ABCA12: variants seen among roughly 807,000 people sequenced by gnomAD.
The protein encoded by ABCA12 is ATP binding cassette subfamily A member 12, also known as glucosylceramide transporter ABCA12.
In ABCA12, 156 loss-of-function variants were observed where a neutral mutation model predicts 293.5. That is an observed-to-expected ratio of 0.53 (90% CI 0.47 to 0.61). The LOEUF is 0.61. Among genes scored for constraint, ABCA12 ranks in the 20% least tolerant of loss-of-function variants. The probability of loss-of-function intolerance (pLI) is 0.00; values close to 1 mark genes in which losing one functional copy is unlikely to be tolerated. For missense variants in ABCA12, 2,797 were observed against 3,090.2 expected (o/e 0.91, Z 2.25); for synonymous variants, 1,063 against 1,108.0 (o/e 0.96, Z 0.81).
At chr2:214,946,583 C>G (rs1698589666) in intron 48 of ABCA12, among the ~76,000 whole-genome samples, 1 of 152,122 alleles carries the variant, frequency 6.6e-6, no homozygotes, top group African/African-American at 2.4e-5. Flanking sequence ...ATCACTTTAT[C>G]TGGCAGTTGA....
intron 1 of ABCA12, among the ~76,000 whole-genome samples, chr2:215,112,333 A>ATTTTTTT (rs35532740): frequency 1.6e-5 from 2 of 126,700 alleles, no homozygotes; most frequent in African/African-American, 2.9e-5. Context: ...ATAGTCAATG[A>ATTTTTTT]TTTTTTTTTT....
intron 6 of ABCA12, among the ~76,000 whole-genome samples, chr2:215,046,893 GA>G (rs1304143870): frequency 3.9e-5 from 6 of 151,942 alleles, no homozygotes; most frequent in South Asian, 2.1e-4. Flanking sequence ...TATGCAGTCA[GA>G]AAAAAAGGAA....
chr2:215,120,936 T>C (rs1559205902), intron 1 of ABCA12, among the ~76,000 whole-genome samples: 1 of 152,194 alleles, frequency 6.6e-6, no homozygotes, highest in Non-Finnish European at 1.5e-5. Flanking sequence ...TGTTAAAAAA[T>C]ATGTTCCCCA....
At chr2:214,936,797 GT>G (rs895916545) in intron 51 of ABCA12, among the ~76,000 whole-genome samples, 2 of 152,084 alleles carry the variant, frequency 1.3e-5, no homozygotes, top group African/African-American at 4.8e-5. Flanking sequence ...GAGCTCTGTA[GT>G]TTTTTGGGTT....
At chr2:214,979,257 C>T (rs941029852) in intron 31 of ABCA12, among the ~76,000 whole-genome samples, 1 of 152,048 alleles carries the variant, frequency 6.6e-6, no homozygotes, top group Non-Finnish European at 1.5e-5. Context: ...CCCCCTCCCT[C>T]TCATTTGCTC....
intron 4 of ABCA12, among the ~76,000 whole-genome samples, chr2:215,053,310 C>A (rs778802187): frequency 1.9e-4 from 29 of 152,066 alleles, no homozygotes; most frequent in Admixed American, 2.6e-4. Flanking sequence ...CTTTTGTCAT[C>A]CTCAGAGCAA....
intron 8 of ABCA12, among the ~76,000 whole-genome samples, chr2:215,034,456 G>A (rs1035656103): frequency 1.3e-5 from 2 of 152,150 alleles, no homozygotes; most frequent in Non-Finnish European, 2.9e-5. Context: ...TGTAGCATAT[G>A]GCTTCCCACA....
At chr2:214,979,096 C>G (rs979016580) in intron 31 of ABCA12, 56 bp from the exon 32 acceptor site, 11 of 1,498,710 alleles carry the variant, frequency 7.3e-6, no homozygotes, top group Non-Finnish European at 1.0e-5. Flanking sequence ...TATAGTGCTC[C>G]AGGCCCTAAT....
intron 1 of ABCA12, among the ~76,000 whole-genome samples, chr2:215,135,857 C>T (rs1355466896): frequency 6.6e-6 from 1 of 152,104 alleles, no homozygotes; most frequent in Non-Finnish European, 1.5e-5. Context: ...CCACACGTGT[C>T]TTCAAGTCTT....
At chr2:215,122,494 G>A (rs998077226) in intron 1 of ABCA12, among the ~76,000 whole-genome samples, 1 of 152,140 alleles carries the variant, frequency 6.6e-6, no homozygotes, top group African/African-American at 2.4e-5. Flanking sequence ...CTGAAGCAAA[G>A]TTTTCCTCTT....
chr2:214,954,851 T>A (rs1698894024), intron 43 of ABCA12, among the ~76,000 whole-genome samples: 2 of 152,242 alleles, frequency 1.3e-5, no homozygotes. Flanking sequence ...CACAGTCATA[T>A]AACTAAGTCG....
chr2:215,048,359 A>T (rs1350035326), intron 6 of ABCA12, among the ~76,000 whole-genome samples: 1 of 152,090 alleles, frequency 6.6e-6, no homozygotes, highest in East Asian at 1.9e-4. Context: ...ATAAAGACAT[A>T]TGCACACATA....
In ABCA12 at chr2:215,037,019, C is replaced by G; in HGVS notation, c.919G>C (p.Glu307Gln). The G allele has an allele frequency of 6.2e-7, 1 of 1,613,882 alleles. No homozygotes were observed. The highest frequency in any genetic ancestry group is 8.5e-7 in the Non-Finnish European group (1 of 1,179,860). The change falls in exon 8 of 53, where the codon GAA (glutamate) becomes CAA (glutamine). Residue 307 changes from glutamate (E) to glutamine (Q), a missense_variant. By Grantham distance (29) the Glu-to-Gln change is conservative (BLOSUM62 2). Around this residue, in one of 3 missense-constraint regions of ABCA12, gnomAD observed 656 missense variants for 638.2 expected, o/e 1.03. Transcript: ENST00000272895. Reference protein sequence around the residue: ...QKVYPRFATNEGFRTLQKSVK... With the variant: ...QKVYPRFATNQGFRTLQKSVK... ...GACTTCTGGAGGGTTCTGAAACCTT[C>G]GTTAGTTGCAAAACGTGGATAAACC...
chr2:215,025,246 G>T, intron 11 of ABCA12: 1 of 68,394 alleles, frequency 1.5e-5, no homozygotes, highest in Non-Finnish European at 3.2e-5. Flanking sequence ...GTCATTTCAT[G>T]CCGAGATCTC....
At position 214,975,925 on chromosome 2, in the gene ABCA12, G is replaced by T; in HGVS notation, c.5241C>A (p.Leu1747=). Residue 1747 remains leucine (L), a synonymous_variant, in exon 34 of 53, where the codon CTC becomes CTA. Transcript: ENST00000272895. ...CGATGGGGAGGATAACCTGAGCAATGAGACCTTTCCAGTTCCTGCGGGTGT... is the reference window on the plus strand; with the variant it reads ...CGATGGGGAGGATAACCTGAGCAATTAGACCTTTCCAGTTCCTGCGGGTGT... ...FHHTRRNWKG[L]IAQVILPIVF... 1 of 1,614,140 alleles carries T rather than the reference G, an allele frequency of 6.2e-7. No individual in the cohort carries two copies. The highest frequency in any genetic ancestry group is 8.5e-7 in the Non-Finnish European group (1 of 1,179,994).
At position 215,000,978 on chromosome 2, in the gene ABCA12, C is replaced by G. The variant is rs1241747221; in HGVS notation, c.2906G>C (p.Gly969Ala). The change falls in exon 22 of 53, where the codon GGC (glycine) becomes GCC (alanine). Residue 969 changes from glycine to alanine, a missense_variant. Physicochemically the swap from Gly to Ala is moderately conservative, Grantham distance 60. Coordinates refer to ENST00000272895, the MANE Select transcript of ABCA12 (RefSeq NM_173076.3). ...KLPSNRSWHR[G>A]YDSGNVFLPP... The stretch of plus-strand genomic sequence containing the variant: ...AAGAAAGACATTTCCAGAGTCATAG[C>G]CTCTGTGCCAGCTTCTGTTAGAAGG... 2 of 1,613,890 alleles carry G rather than the reference C, an allele frequency of 1.2e-6. No homozygotes were observed. Among genetic ancestry groups the G allele is most frequent in the Non-Finnish European group, 1.7e-6 (2 of 1,179,942 alleles).
At chr2:215,078,285 C>G (rs1701871750) in intron 2 of ABCA12, among the ~76,000 whole-genome samples, 1 of 152,204 alleles carries the variant, frequency 6.6e-6, no homozygotes, top group Non-Finnish European at 1.5e-5. Context: ...TTCCCCTTGA[C>G]TCCTACAGCT....
In ABCA12 at chr2:214,931,848, A is replaced by G. The variant is rs1436067787; in HGVS notation, c.*786T>C. On this transcript the variant is annotated 3_prime_UTR_variant, in exon 53 of 53. Transcript: ENST00000272895. The stretch of plus-strand genomic sequence containing the variant: ...TTAAAAAATGTTGCCTGCCAGTAGC[A>G]CATGGATTCTCTTTTCAGGGTTTGT... 6.6e-6 allele frequency: 1 copy of G among 152,294 alleles called. No individual in the cohort carries two copies. Among genetic ancestry groups the G allele is most frequent in the Admixed American group, 6.5e-5 (1 of 15,268 alleles). The allele number at this position is 152,294 out of a possible 1,614,324, so 9.4% of individuals were successfully genotyped here. A position where few individuals can be genotyped will look rare whatever the true frequency, so the allele number is the denominator to read the frequency against.
Position 215,000,990 on chromosome 2 carries a change from C to T in ABCA12, c.2894G>A (p.Ser965Asn). The T allele has an allele frequency of 1.2e-6, 2 of 1,614,010 alleles. No individual in the cohort carries two copies. Among genetic ancestry groups the T allele is most frequent in the Non-Finnish European group, 1.7e-6 (2 of 1,179,936 alleles). ...TCCAGAGTCATAGCCTCTGTGCCAG[C>T]TTCTGTTAGAAGGAAGCTTAAAAAT... ...SVIFKLPSNR[S>N]WHRGYDSGNV... Residue 965 changes from serine to asparagine, a missense_variant, in exon 22 of 53, where the codon AGC (serine) becomes AAC (asparagine). This residue lies in a region of ABCA12 where 2,130 missense variants were observed against 2,427.0 expected (regional missense o/e 0.88). Transcript: ENST00000272895.
Sources: allele counts gnomAD v4.1 joint callset (sites outside exome capture counted in the v4.1 genomes callset), GRCh38; gene constraint gnomAD v4.1.1; regional missense constraint gnomAD v4.1.1; transcripts MANE v1.5; gene names NCBI Gene and HGNC (gene_info 2026-07-23, HGNC 2026-07-21).